TNRC18: variants seen among roughly 807,000 people sequenced by gnomAD.
TNRC18 encodes the protein trinucleotide repeat-containing gene 18 protein.
In TNRC18, 69 loss-of-function variants were observed where a neutral mutation model predicts 226.7. That is an observed-to-expected ratio of 0.30 (90% confidence interval 0.25 to 0.37). TNRC18 has a LOEUF of 0.37. Among genes scored for constraint, TNRC18 ranks in the 10% least tolerant of loss-of-function variants. TNRC18 has a pLI of 1.00. For synonymous variants in TNRC18, 2,449 were observed against 1,927.6 expected (o/e 1.27, Z -7.09); for missense variants, 4,754 against 4,256.6 (o/e 1.12, Z -3.25).
At chr7:5,326,439 ACT>A (rs1387565304) in intron 19 of TNRC18, among the ~76,000 whole-genome samples, 2 of 151,312 alleles carry the variant, frequency 1.3e-5, no homozygotes, top group African/African-American at 4.9e-5. Flanking sequence ...CCGTTTTTTC[ACT>A]CTCTGTTTTG....
Position 5,389,068 on chromosome 7 carries a change from G to C in TNRC18, c.756C>G (p.Asp252Glu), listed in dbSNP as rs1252457783. ...TQEARAEGRQ[D>E]RGPPRLAERL... ...GCTCAGCCAGGCGCGGGGGCCCCCG[G>C]TCCTGGCGGCCCTCGGCGCGCGCCT... The change falls in exon 5 of 30, where the codon GAC (aspartate) becomes GAG (glutamate). Residue 252 changes from aspartate (D) to glutamate (E), a missense_variant. By Grantham distance (45) the Asp-to-Glu change is conservative. Coordinates refer to ENST00000430969, the MANE Select transcript of TNRC18 (RefSeq NM_001080495.3). 3 of 1,282,406 alleles carry C rather than the reference G, an allele frequency of 2.3e-6. No homozygotes were observed. The highest frequency in any genetic ancestry group is 2.0e-6 in the Non-Finnish European group (2 of 1,006,974). 79.4% of individuals were successfully genotyped at this position (1,282,406 alleles called of 1,614,324 possible). A position where few individuals can be genotyped will look rare whatever the true frequency, so the allele number is the denominator to read the frequency against.
At chr7:5,375,575 T>G (rs1236564352) in intron 9 of TNRC18, among the ~76,000 whole-genome samples, 1 of 152,092 alleles carries the variant, frequency 6.6e-6, no homozygotes, top group Non-Finnish European at 1.5e-5. Flanking sequence ...GGCCGACTCC[T>G]CCAGAGCAGA....
intron 12 of TNRC18, among the ~76,000 whole-genome samples, chr7:5,362,371 G>C (rs1380692204): frequency 6.6e-6 from 1 of 151,934 alleles, no homozygotes; most frequent in East Asian, 1.9e-4. Flanking sequence ...GGCACCTAAG[G>C]CCAGAGCTAC....
chr7:5,345,517 G>GGGGGGGGGACCCCCCCCCCCCCCCCCCC, intron 18 of TNRC18, 45 bp downstream of exon 18: 1 of 377,744 alleles, frequency 2.6e-6, no homozygotes, highest in South Asian at 4.4e-5. Flanking sequence ...AATGGCGTCC[G>GGGGGGGGGACCCCCCCCCCCCCCCCCCC]CCCCTCCCAC....
intron 16 of TNRC18, among the ~76,000 whole-genome samples, chr7:5,353,258 C>T (rs1300154273): frequency 6.6e-6 from 1 of 152,192 alleles, no homozygotes; most frequent in Non-Finnish European, 1.5e-5. Context: ...ACAGGGAGGT[C>T]GGGTGCAATG....
intron 26 of TNRC18, among the ~76,000 whole-genome samples, chr7:5,314,563 CTTT>C (rs67183154): frequency 1.1e-4 from 9 of 79,692 alleles, no homozygotes; most frequent in Non-Finnish European, 9.4e-5. Context: ...GAGTTCTCTT[CTTT>C]TTTTTTTTTT....
At chr7:5,329,930 G>C in intron 19 of TNRC18, 2 of 471,052 alleles carry the variant, frequency 4.2e-6, no homozygotes, top group South Asian at 3.1e-5. Flanking sequence ...TAATACCAGA[G>C]GCTCACCCAG....
In TNRC18 at chr7:5,390,642, G is replaced by C. The variant is rs1183285756; in HGVS notation, c.344-14C>G. ...GGTGGGAGAAGCCTGTAACAGAAAA[G>C]AGAAAAGCTGGGCTGGGCCAATTCG... On this transcript the variant is annotated splice_polypyrimidine_tract_variant and intron_variant, in intron 3 of 29. Transcript: ENST00000430969. 6.5e-7 allele frequency: 1 copy of C among 1,527,774 alleles called. No homozygotes were observed. The highest frequency in any genetic ancestry group is 8.8e-7 in the Non-Finnish European group (1 of 1,137,602). The allele number at this position is 1,527,774 out of a possible 1,614,324, so 94.6% of individuals were successfully genotyped here. A position where few individuals can be genotyped will look rare whatever the true frequency, so the allele number is the denominator to read the frequency against.
At chr7:5,417,393 C>T (rs1378303795) in intron 2 of TNRC18, among the ~76,000 whole-genome samples, 1 of 152,030 alleles carries the variant, frequency 6.6e-6, no homozygotes, top group African/African-American at 2.4e-5. Context: ...TGGACTCAGC[C>T]TGGGAGGTGG....
At chr7:5,419,552 GT>G (rs10711925) in intron 2 of TNRC18, among the ~76,000 whole-genome samples, 3,870 of 152,328 alleles carry the variant, frequency 0.025, 170 homozygotes, top group African/African-American at 0.088. Flanking sequence ...CGCCCCCCAA[GT>G]TCTTCCTCGG....
At chr7:5,348,597 CAG>C (rs1438350427) in intron 17 of TNRC18, among the ~76,000 whole-genome samples, 2 of 143,728 alleles carry the variant, frequency 1.4e-5, no homozygotes, top group Non-Finnish European at 3.0e-5. Flanking sequence ...TGGGCCACCT[CAG>C]AGAGGAAGGC....
At chr7:5,384,612 C>G (rs1237724347) in intron 5 of TNRC18, among the ~76,000 whole-genome samples, 1 of 152,088 alleles carries the variant, frequency 6.6e-6, no homozygotes, top group Non-Finnish European at 1.5e-5. Context: ...CCGTGAGCCC[C>G]CAACAAAGGT....
At chr7:5,326,867 G>A (rs1347146889) in intron 19 of TNRC18, among the ~76,000 whole-genome samples, 1 of 151,450 alleles carries the variant, frequency 6.6e-6, no homozygotes, top group African/African-American at 2.4e-5. Flanking sequence ...GCTCCTGCCT[G>A]TAATCCCAGC....
At chr7:5,392,191 C>G (rs1431932084) in intron 3 of TNRC18, among the ~76,000 whole-genome samples, 1 of 152,164 alleles carries the variant, frequency 6.6e-6, no homozygotes, top group Admixed American at 6.6e-5. Context: ...CCAGCCGGAG[C>G]AGTGGCTCAT....
At chr7:5,383,671 C>G (rs1779555633) in intron 5 of TNRC18, among the ~76,000 whole-genome samples, 1 of 152,182 alleles carries the variant, frequency 6.6e-6, no homozygotes, top group Admixed American at 6.5e-5. Context: ...ACACAGGCGT[C>G]CCAGGGCGTC....
chr7:5,378,283 G>A (rs1583985224), intron 5 of TNRC18, among the ~76,000 whole-genome samples: 1 of 152,182 alleles, frequency 6.6e-6, no homozygotes, highest in Non-Finnish European at 1.5e-5. Context: ...ATGTCCCCTA[G>A]ACAGACAACC....
At chr7:5,349,126 C>T (rs75163709) in intron 17 of TNRC18, among the ~76,000 whole-genome samples, 22,687 of 152,204 alleles carry the variant, frequency 0.15, 1,885 homozygotes, top group African/African-American at 0.16. Flanking sequence ...ATGCCCGCAA[C>T]GTCCACGCCA....
At position 5,309,062 on chromosome 7, in the gene TNRC18, A is replaced by G; in HGVS notation, c.8625+70T>C. On this transcript the variant is annotated intron_variant, in intron 28 of 29. Coordinates refer to ENST00000430969, the MANE Select transcript of TNRC18 (RefSeq NM_001080495.3). The surrounding 1 kb of genome is among the most constrained non-coding windows in gnomAD (Gnocchi z 5.7). ...CAGGGCTGCTGATGCTCCAGCACCCAGAACGCCTCGCCCTCAGGTCTGCCC... is the reference window on the plus strand; with the variant it reads ...CAGGGCTGCTGATGCTCCAGCACCCGGAACGCCTCGCCCTCAGGTCTGCCC... 3 of 1,508,576 alleles carry G rather than the reference A, an allele frequency of 2.0e-6. No homozygotes were observed. The highest frequency in any genetic ancestry group is 2.4e-4 in the Middle Eastern group (1 of 4,254). The allele number at this position is 1,508,576 out of a possible 1,614,324, so 93.4% of individuals were successfully genotyped here.
intron 20 of TNRC18, 85 bp downstream of exon 20, chr7:5,325,011 G>C: frequency 4.1e-6 from 6 of 1,455,790 alleles, no homozygotes; most frequent in South Asian, 1.4e-5. Context: ...GGTGAATACA[G>C]AGGAGCAGGT....
Sources: allele counts gnomAD v4.1 joint callset (sites outside exome capture counted in the v4.1 genomes callset), GRCh38; gene constraint gnomAD v4.1.1; non-coding constraint Gnocchi (gnomAD v3.1); transcripts MANE v1.5; gene names NCBI Gene and HGNC (gene_info 2026-07-23, HGNC 2026-07-21).